Variants in RARB observed in about 807,000 individuals in gnomAD.
RARB encodes retinoic acid receptor beta.
RARB carries 17 observed loss-of-function variants against 51.9 expected under a neutral mutation model. The ratio of observed to expected loss-of-function variants is 0.33; its 90% CI spans 0.22 to 0.49. RARB has a LOEUF of 0.49. RARB is among the 20% of genes least tolerant of loss of function. The pLI is 0.99. For missense variants in RARB, 369 were observed against 550.8 expected, an observed-to-expected ratio of 0.67 and a Z score of 3.30; for synonymous variants, 215 against 195.4, an observed-to-expected ratio of 1.10 and a Z score of -0.84.
At chr3:25,561,847 A>G (rs1161050420) in intron 3 of RARB, among the ~76,000 whole-genome samples, 2 of 152,222 alleles carry the variant, frequency 1.3e-5, no homozygotes, top group East Asian at 3.8e-4. Flanking sequence ...TATAAAGAAT[A>G]TACATGACAC....
intron 5 of RARB, among the ~76,000 whole-genome samples, chr3:25,319,860 T>G (rs1704520110): frequency 6.6e-6 from 1 of 152,176 alleles, no homozygotes; most frequent in African/African-American, 2.4e-5. Context: ...CACTTCTTTT[T>G]ATTCTTTTGA....
intron 5 of RARB, among the ~76,000 whole-genome samples, chr3:25,220,505 A>G (rs1172137046): frequency 6.6e-6 from 1 of 152,124 alleles, no homozygotes; most frequent in Non-Finnish European, 1.5e-5. Context: ...CATAATTCCC[A>G]CGTATCAAGG....
At chr3:25,092,681 C>T (rs560125828) in intron 3 of RARB, among the ~76,000 whole-genome samples, 5 of 152,112 alleles carry the variant, frequency 3.3e-5, no homozygotes, top group African/African-American at 7.2e-5. Flanking sequence ...AGAAATTTTG[C>T]GAATGCCTTC....
intron 5 of RARB, among the ~76,000 whole-genome samples, chr3:25,343,024 T>TTGTGTGTGTGTGTGTGTGTGTG (rs6147737): frequency 6.8e-5 from 9 of 132,058 alleles, no homozygotes; most frequent in Non-Finnish European, 1.1e-4. Context: ...TGCAAGTACT[T>TTGTGTGTGTGTGTGTGTGTGTG]TGTGTGTGTG....
chr3:25,210,640 A>G (rs1234002222), intron 5 of RARB, among the ~76,000 whole-genome samples: 1 of 147,834 alleles, frequency 6.8e-6, no homozygotes, highest in Non-Finnish European at 1.5e-5. Flanking sequence ...GGTTCAAGAA[A>G]TTCTCGTGCC....
At chr3:24,898,966 A>G (rs1703538717) in intron 2 of RARB, among the ~76,000 whole-genome samples, 1 of 152,112 alleles carries the variant, frequency 6.6e-6, no homozygotes, top group Non-Finnish European at 1.5e-5. Flanking sequence ...CTGTCTCATG[A>G]CCACCTCTGG....
intron 2 of RARB, among the ~76,000 whole-genome samples, chr3:25,043,618 A>T (rs1489739851): frequency 6.6e-6 from 1 of 152,234 alleles, no homozygotes; most frequent in Non-Finnish European, 1.5e-5. Context: ...GAGAGAAAAG[A>T]TAAAGTAGGC....
chr3:25,402,921 T>C (rs1303791228), intron 5 of RARB, among the ~76,000 whole-genome samples: 1 of 152,010 alleles, frequency 6.6e-6, no homozygotes, highest in African/African-American at 2.4e-5. Flanking sequence ...TCCCAGCACT[T>C]TGGGAGGCTG....
At chr3:25,000,335 C>T (rs1396905024) in intron 2 of RARB, among the ~76,000 whole-genome samples, 1 of 152,072 alleles carries the variant, frequency 6.6e-6, no homozygotes, top group African/African-American at 2.4e-5. Flanking sequence ...TGGGAGGAGG[C>T]AGGTCAAGTA....
At chr3:25,545,306 T>C (rs1699575461) in intron 3 of RARB, among the ~76,000 whole-genome samples, 2 of 152,142 alleles carry the variant, frequency 1.3e-5, no homozygotes, top group South Asian at 4.1e-4. Context: ...AAGATGGCAG[T>C]GATGGGCTCT....
intron 3 of RARB, among the ~76,000 whole-genome samples, chr3:25,505,120 A>G (rs1374282714): frequency 6.6e-6 from 1 of 152,110 alleles, no homozygotes; most frequent in Non-Finnish European, 1.5e-5. Flanking sequence ...TGATCTTCAT[A>G]ACAACCCTAT....
chr3:25,122,634 T>G (rs570603740), intron 3 of RARB, among the ~76,000 whole-genome samples: 2 of 152,152 alleles, frequency 1.3e-5, no homozygotes. Flanking sequence ...GATATCACTT[T>G]CCTCATGTTC....
At chr3:25,391,137 A>G (rs1044161256) in intron 5 of RARB, among the ~76,000 whole-genome samples, 1 of 152,122 alleles carries the variant, frequency 6.6e-6, no homozygotes, top group African/African-American at 2.4e-5. Context: ...ATAAGTGAGA[A>G]TATACAATGT....
intron 1 of RARB, among the ~76,000 whole-genome samples, chr3:25,443,407 C>G (rs575881314): frequency 7.3e-6 from 1 of 136,142 alleles, no homozygotes; most frequent in Non-Finnish European, 1.6e-5. Context: ...TCCCCCTTGT[C>G]CCCCCCACCA....
chr3:25,402,292 A>C (rs1707284840), intron 5 of RARB, among the ~76,000 whole-genome samples: 1 of 152,208 alleles, frequency 6.6e-6, no homozygotes, highest in East Asian at 1.9e-4. Context: ...AAGTGAAGCC[A>C]TGTGCAATAG....
rs918988423 is a variant in RARB at position 25,455,328 on chromosome 3, G to A, written c.158-5865G>A. On this transcript the variant is annotated intron_variant, in intron 1 of 7. Coordinates refer to ENST00000330688, the MANE Select transcript of RARB (RefSeq NM_000965.5). ...TTGATCAATCCATGAGGGATTGGGG[G>A]AAAGACTAAGAAATGGTGCTTCACC... is the stretch of plus-strand genomic sequence containing the variant. Among the ~76,000 whole-genome samples the A allele has an allele frequency of 6.6e-5, 10 of 152,150 alleles. No homozygotes were observed. In the East Asian group the frequency reaches 1.5e-3, roughly 23 times the overall value.
chr3:24,895,344 C>G (rs545636062), intron 2 of RARB, among the ~76,000 whole-genome samples: 1 of 152,134 alleles, frequency 6.6e-6, no homozygotes. Context: ...ATTAGTGACT[C>G]TCAATTTTGT....
intron 5 of RARB, among the ~76,000 whole-genome samples, chr3:25,278,904 A>G (rs934704721): frequency 2.0e-5 from 3 of 152,152 alleles, no homozygotes; most frequent in Non-Finnish European, 2.9e-5. Context: ...ATGATTCTCA[A>G]CTTATTTGGT....
chr3:25,051,898 A>G (rs1204959015), intron 2 of RARB, among the ~76,000 whole-genome samples: 2 of 152,182 alleles, frequency 1.3e-5, no homozygotes, highest in East Asian at 1.9e-4. Context: ...TTCTGTGTGA[A>G]AAGACTTTCT....
Sources: gnomAD v4.1 joint callset for allele counts (sites outside exome capture counted in the v4.1 genomes callset) on GRCh38, gnomAD v4.1.1 for gene constraint, MANE v1.5 for transcripts, NCBI Gene and HGNC (gene_info 2026-07-23, HGNC 2026-07-21) for gene names.